SNAI3: variants seen among roughly 807,000 people sequenced by gnomAD.
The protein encoded by SNAI3 is zinc finger protein SNAI3.
Under a neutral mutation model 16.4 loss-of-function variants are expected in SNAI3, and 21 were observed. The observed-to-expected ratio is 1.28, with a 90% CI of 0.91 to 1.85. SNAI3 has a LOEUF of 1.85. SNAI3 is among the 40% of genes most tolerant of loss of function. SNAI3 has a pLI of 0.00. For missense variants in SNAI3, 457 were observed against 372.8 expected, an observed-to-expected ratio of 1.23 and a Z score of -1.86; for synonymous variants, 202 against 166.6, an observed-to-expected ratio of 1.21 and a Z score of -1.64.
intron 2 of SNAI3, 79 bp from the exon 3 acceptor site, chr16:88,678,708 A>T (rs1597391938): frequency 1.3e-6 from 2 of 1,511,300 alleles, no homozygotes; most frequent in East Asian, 2.4e-5. Context: ...CCATCAATGG[A>T]TACTCCCATC....
At chr16:88,682,794 G>A (rs1171672355) in intron 1 of SNAI3, among the ~76,000 whole-genome samples, 2 of 34,354 alleles carry the variant, frequency 5.8e-5, no homozygotes, top group African/African-American at 1.8e-4. Flanking sequence ...TTTTTTTTTA[G>A]AGACGGAGTC....
chr16:88,681,614 C>A lies in SNAI3; in HGVS notation c.177G>T (p.Trp59Cys), dbSNP rs766858343. The A allele has an allele frequency of 1.1e-5, 16 of 1,490,888 alleles. No homozygotes were observed. In the Admixed American group the frequency reaches 1.4e-4, roughly 13 times the overall value. The allele number at this position is 1,490,888 out of a possible 1,614,324, so 92.4% of individuals were successfully genotyped here. A position where few individuals can be genotyped will look rare whatever the true frequency, so the allele number is the denominator to read the frequency against. ...PSVPGDLPQPWDRSSAVACIS... is the reference protein window; with the variant it reads ...PSVPGDLPQPCDRSSAVACIS... ...TGCAGGCGACGGCCGAGGAGCGGTC[C>A]CAGGGCTGGGGAAGGTCACCGGGCA... The change falls in exon 2 of 3, where the codon TGG (tryptophan) becomes TGT (cysteine). Residue 59 changes from tryptophan (W) to cysteine (C), a missense_variant. Physicochemically the swap from Trp to Cys is radical, Grantham distance 215 (BLOSUM62 -2). Transcript: ENST00000332281. This position sits in a 1 kb window ranked among gnomAD's most constrained non-coding sequence, Gnocchi z 5.4.
At chr16:88,683,538 G>A (rs557587932) in intron 1 of SNAI3, among the ~76,000 whole-genome samples, 4 of 146,876 alleles carry the variant, frequency 2.7e-5, no homozygotes, top group East Asian at 2.0e-4. Flanking sequence ...ACAGGCATAA[G>A]CCACTGCGCC....
At chr16:88,683,140 C>T (rs1909238151) in intron 1 of SNAI3, among the ~76,000 whole-genome samples, 1 of 138,532 alleles carries the variant, frequency 7.2e-6, no homozygotes, top group Non-Finnish European at 1.5e-5. Flanking sequence ...GGCTGGAGTG[C>T]AGTGGCGTGA....
At chr16:88,678,734 C>G (rs977296210) in intron 2 of SNAI3, 105 bp from the exon 3 acceptor site, 6 of 1,464,756 alleles carry the variant, frequency 4.1e-6, no homozygotes, top group Non-Finnish European at 5.4e-6. Flanking sequence ...CCCACAAATG[C>G]TCACAGCCAG....
chr16:88,678,617 T>C lies in SNAI3; in HGVS notation c.710A>G (p.Tyr237Cys), dbSNP rs755395861. ...HVRTHTGEKP[Y>C]ACSHCSRAFA... ...GGCCCTGCTGCAGTGCGAGCAGGCA[T>C]AGGGCTTCTCCCCTGTGGGAGGAAG... is the stretch of plus-strand genomic sequence containing the variant. The change falls in exon 3 of 3, where the codon TAT (tyrosine) becomes TGT (cysteine). Residue 237 changes from tyrosine (Y) to cysteine (C), a missense_variant. Tyr to Cys is a radical substitution (Grantham distance 194, BLOSUM62 -2). Transcript: ENST00000332281. The C allele has an allele frequency of 2.2e-5, 28 of 1,258,976 alleles. No homozygotes were observed. Among genetic ancestry groups the C allele is most frequent in the South Asian group, 9.5e-5 (8 of 84,348 alleles). 78.0% of individuals were successfully genotyped at this position (1,258,976 alleles called of 1,614,324 possible). A position where few individuals can be genotyped will look rare whatever the true frequency, so the allele number is the denominator to read the frequency against.
intron 2 of SNAI3, among the ~76,000 whole-genome samples, chr16:88,679,397 A>T (rs1034356186): frequency 6.6e-6 from 1 of 152,348 alleles, no homozygotes; most frequent in Non-Finnish European, 1.5e-5. Context: ...GCCTGCACCC[A>T]GGTGTGACTC....
At position 88,686,365 on chromosome 16, in the gene SNAI3, C is replaced by G. The variant is rs771818007; in HGVS notation, c.42G>C (p.Arg14Ser). The G allele has an allele frequency of 1.2e-5, 20 of 1,612,366 alleles. No homozygotes were observed. The highest frequency in any genetic ancestry group is 1.6e-4 in the Middle Eastern group (1 of 6,084). ...SFLVKTHSSH[R>S]VPNYRRLETQ... is the part of the protein sequence containing the mutation. ...TCTCCAGCCGCCGGTAGTTGGGGAC[C>G]CTGTGGCTGGAGTGCGTTTTCACCA... The change falls in exon 1 of 3, where the codon AGG becomes AGC. Residue 14 changes from arginine (R) to serine (S), a missense_variant. Physicochemically the swap from Arg to Ser is moderately radical, Grantham distance 110. Transcript: ENST00000332281.
Position 88,678,621 on chromosome 16 carries a change from G to T in SNAI3, c.706C>A (p.Pro236Thr), listed in dbSNP as rs779440628. The change falls in exon 3 of 3, where the codon CCC becomes ACC. Residue 236 changes from proline to threonine, a missense_variant. By Grantham distance (38) the Pro-to-Thr change is conservative (BLOSUM62 -1). Coordinates refer to ENST00000332281, the MANE Select transcript of SNAI3 (RefSeq NM_178310.4). ...GHVRTHTGEK[P>T]YACSHCSRAF... The stretch of plus-strand genomic sequence containing the variant: ...CTGCTGCAGTGCGAGCAGGCATAGG[G>T]CTTCTCCCCTGTGGGAGGAAGGCGG... The T allele has an allele frequency of 7.8e-7, 1 of 1,282,652 alleles. No homozygotes were observed. The highest frequency in any genetic ancestry group is 1.1e-6 in the Non-Finnish European group (1 of 883,050). 79.5% of individuals were successfully genotyped at this position (1,282,652 alleles called of 1,614,324 possible). A position where few individuals can be genotyped will look rare whatever the true frequency, so the allele number is the denominator to read the frequency against.
chr16:88,684,938 C>T (rs1352944373), intron 1 of SNAI3, among the ~76,000 whole-genome samples: 1 of 152,176 alleles, frequency 6.6e-6, no homozygotes, highest in African/African-American at 2.4e-5. Flanking sequence ...GTTGCCAGGG[C>T]CCCCTGGCTG....
At chr16:88,678,762 T>G in intron 2 of SNAI3, 133 bp from the exon 3 acceptor site, 1 of 1,444,040 alleles carries the variant, frequency 6.9e-7, no homozygotes, top group South Asian at 1.4e-5. Flanking sequence ...AAGGTTGAGC[T>G]GTGTGGGGAC....
Position 88,678,267 on chromosome 16 carries a change from G to C in SNAI3, c.*181C>G. 1.8e-6 allele frequency: 1 copy of C among 565,332 alleles called. No homozygotes were observed. Among genetic ancestry groups the C allele is most frequent in the South Asian group, 2.1e-5 (1 of 46,880 alleles). 35.0% of individuals were successfully genotyped at this position (565,332 alleles called of 1,614,324 possible). On this transcript the variant is annotated 3_prime_UTR_variant, in exon 3 of 3. Transcript: ENST00000332281. Reference sequence around the variant, plus strand: ...CGCGCGGTGGGATGCCTGGGGGAGTGTCCTCCGGCCCAGTGGCCCCCGCTG... The same window carrying C: ...CGCGCGGTGGGATGCCTGGGGGAGTCTCCTCCGGCCCAGTGGCCCCCGCTG...
chr16:88,685,835 G>A (rs1048549916), intron 1 of SNAI3: 1 of 153,962 alleles, frequency 6.5e-6, no homozygotes, highest in African/African-American at 2.4e-5. Flanking sequence ...CTTTGCACCA[G>A]AAAGAGCCCA....
intron 1 of SNAI3, among the ~76,000 whole-genome samples, chr16:88,684,389 C>A (rs1909284862): frequency 6.6e-6 from 1 of 152,256 alleles, no homozygotes; most frequent in African/African-American, 2.4e-5. Context: ...CCCCGTCAGG[C>A]TGACCATGTG....
rs1010672298 is a variant in SNAI3, at chr16:88,686,277, C to A, written c.76+54G>T. On this transcript the variant is annotated intron_variant, in intron 1 of 2. Coordinates refer to ENST00000332281, the MANE Select transcript of SNAI3 (RefSeq NM_178310.4). ...CGCTCCCAGGGGCCTCTCTCTCTCT[C>A]CCGCCCCTCAGGGTCGAGTCCCGGC... 15 of 1,589,466 alleles carry A rather than the reference C, an allele frequency of 9.4e-6. No individual in the cohort carries two copies. The East Asian group carries it at 1.1e-4, about 12-fold the overall frequency.
In SNAI3 at chr16:88,681,286, T is replaced by C. The variant is rs1262018823; in HGVS notation, c.505A>G (p.Arg169Gly). Residue 169 changes from arginine (R) to glycine (G), a missense_variant, in exon 2 of 3, where the codon AGG (arginine) becomes GGG (glycine). Coordinates refer to ENST00000332281, the MANE Select transcript of SNAI3 (RefSeq NM_178310.4). This position sits in a 1 kb window ranked among gnomAD's most constrained non-coding sequence, Gnocchi z 5.4. ...KPYHTLAGLA[R>G]HRQLHCHLQV... ...AGGTGGCAGTGCAGCTGCCGGTGCC[T>C]GGCCAGCCCGGCCAGCGTGTGGTAG... 1 of 1,613,282 alleles carries C rather than the reference T, an allele frequency of 6.2e-7. No homozygotes were observed.
intron 1 of SNAI3, among the ~76,000 whole-genome samples, chr16:88,682,762 A>AGTTTTTTTTTT (rs1909217847): frequency 3.3e-5 from 2 of 60,698 alleles, no homozygotes; most frequent in Admixed American, 2.7e-4. Context: ...TGGGCAAGGG[A>AGTTTTTTTTTT]TTTTTTTTTT....
intron 1 of SNAI3, among the ~76,000 whole-genome samples, chr16:88,682,356 T>G (rs567753816): frequency 1.6e-4 from 25 of 152,372 alleles, no homozygotes; most frequent in African/African-American, 6.0e-4. Context: ...TGCTCTGGCC[T>G]GGGCTTTCAG....
chr16:88,682,083 C>G (rs1433584948), intron 1 of SNAI3, among the ~76,000 whole-genome samples: 1 of 152,200 alleles, frequency 6.6e-6, no homozygotes, highest in Non-Finnish European at 1.5e-5. Context: ...TGATGAGCCC[C>G]ACCCACCTCT....
Sources: allele counts gnomAD v4.1 joint callset (sites outside exome capture counted in the v4.1 genomes callset), GRCh38; gene constraint gnomAD v4.1.1; non-coding constraint Gnocchi (gnomAD v3.1); transcripts MANE v1.5; gene names NCBI Gene and HGNC (gene_info 2026-07-23, HGNC 2026-07-21).